Variants in TGFB2 observed in about 807,000 individuals in gnomAD.
TGFB2 encodes transforming growth factor beta 2.
A neutral mutation model predicts 42.7 loss-of-function variants in TGFB2; 13 were observed. That is an observed-to-expected ratio of 0.30 (90% CI 0.20 to 0.48). TGFB2 has a LOEUF of 0.48. TGFB2 is among the 20% of genes least tolerant of loss of function. TGFB2 has a pLI of 0.99. For synonymous variants in TGFB2, 193 were observed against 193.6 expected (o/e 1.00, Z 0.03); for missense variants, 390 against 517.5 (o/e 0.75, Z 2.39).
chr1:218,397,397 A>G (rs1231466488), intron 1 of TGFB2, among the ~76,000 whole-genome samples: 1 of 151,800 alleles, frequency 6.6e-6, no homozygotes, highest in Non-Finnish European at 1.5e-5. Context: ...CCCCGTCTCT[A>G]CTAAAAAATA....
intron 1 of TGFB2, among the ~76,000 whole-genome samples, chr1:218,384,756 T>G (rs1351795701): frequency 6.6e-6 from 1 of 151,962 alleles, no homozygotes; most frequent in African/African-American, 2.4e-5. Flanking sequence ...ACCCCTAGAG[T>G]CTCACCAGAA....
Position 218,443,993 on chromosome 1 carries a change from G to A in TGFB2, c.*2631G>A, listed in dbSNP as rs1202437150. 1 of 152,058 alleles carries A rather than the reference G, an allele frequency of 6.6e-6. No homozygotes were observed. The highest frequency in any genetic ancestry group is 1.5e-5 in the Non-Finnish European group (1 of 68,010). The allele number at this position is 152,058 out of a possible 1,614,324, so 9.4% of individuals were successfully genotyped here. The stretch of plus-strand genomic sequence containing the variant: ...CTAGTGGTAAATAAATTATTTCGAT[G>A]ATATGTGGATGTCTTTTTCCTATCA... On this transcript the variant is annotated 3_prime_UTR_variant, in exon 7 of 7. Transcript: ENST00000366930.
chr1:218,410,124 A>G (rs1280729818), intron 2 of TGFB2, among the ~76,000 whole-genome samples: 2 of 152,196 alleles, frequency 1.3e-5, no homozygotes, highest in African/African-American at 4.8e-5. Flanking sequence ...CACATGTGTG[A>G]TTGTTCAGAT....
chr1:218,408,275 T>C (rs2799083), intron 2 of TGFB2, among the ~76,000 whole-genome samples: 43,008 of 151,924 alleles, frequency 0.28, 6,163 homozygotes, highest in African/African-American at 0.33. Context: ...GGAAAGGGTG[T>C]TTCTCTTGAG....
rs1417916795 is a variant in TGFB2 at position 218,441,219 on chromosome 1, A to G, written c.1102A>G (p.Asn368Asp). The G allele has an allele frequency of 2.5e-6, 4 of 1,612,398 alleles. No homozygotes were observed. Among genetic ancestry groups the G allele is most frequent in the Non-Finnish European group, 2.5e-6 (3 of 1,179,640 alleles). Residue 368 changes from asparagine to aspartate, a missense_variant, in exon 7 of 7, where the codon AAT (asparagine) becomes GAT (aspartate). Coordinates refer to ENST00000366930, the MANE Select transcript of TGFB2 (RefSeq NM_003238.6). Reference sequence around the variant, plus strand: ...GTCCTTTCAGGTCCTGAGCTTATATAATACCATAAATCCAGAAGCATCTGC... The same window carrying G: ...GTCCTTTCAGGTCCTGAGCTTATATGATACCATAAATCCAGAAGCATCTGC... ...TQHSRVLSLY[N>D]TINPEASASP...
chr1:218,409,240 T>C (rs1382477887), intron 2 of TGFB2, among the ~76,000 whole-genome samples: 1 of 152,146 alleles, frequency 6.6e-6, no homozygotes, highest in Non-Finnish European at 1.5e-5. Context: ...ACCGTCCAGG[T>C]TGGGGACTTC....
intron 1 of TGFB2, among the ~76,000 whole-genome samples, chr1:218,372,193 G>A (rs1657595546): frequency 6.6e-6 from 1 of 152,194 alleles, no homozygotes; most frequent in African/African-American, 2.4e-5. Context: ...TTTGCACATG[G>A]CTGGACATCT....
intron 1 of TGFB2, among the ~76,000 whole-genome samples, chr1:218,367,046 A>G (rs1162610198): frequency 6.6e-6 from 1 of 152,222 alleles, no homozygotes; most frequent in Admixed American, 6.5e-5. Context: ...ACAGAGGAGA[A>G]CAATGAGTGT....
chr1:218,384,834 A>G (rs1021954283), intron 1 of TGFB2, among the ~76,000 whole-genome samples: 1 of 152,232 alleles, frequency 6.6e-6, no homozygotes, highest in Non-Finnish European at 1.5e-5. Context: ...GGGATGACTC[A>G]TGGCAGGAGG....
intron 2 of TGFB2, among the ~76,000 whole-genome samples, chr1:218,418,027 T>C (rs1305479507): frequency 6.6e-6 from 1 of 152,062 alleles, no homozygotes. Context: ...AAATATGGAG[T>C]TGGAGCCCCC....
At chr1:218,386,996 C>T (rs1384166769) in intron 1 of TGFB2, among the ~76,000 whole-genome samples, 1 of 152,164 alleles carries the variant, frequency 6.6e-6, no homozygotes, top group African/African-American at 2.4e-5. Context: ...CACTATAATA[C>T]ACAGTATGAT....
At chr1:218,400,465 C>A (rs1422546080) in intron 1 of TGFB2, among the ~76,000 whole-genome samples, 1 of 152,016 alleles carries the variant, frequency 6.6e-6, no homozygotes, top group Non-Finnish European at 1.5e-5. Context: ...GGTCCCCCTG[C>A]CACAAGCCCA....
chr1:218,348,362 G>A (rs922607544), intron 1 of TGFB2, among the ~76,000 whole-genome samples: 4 of 152,168 alleles, frequency 2.6e-5, no homozygotes, highest in Non-Finnish European at 5.9e-5. Flanking sequence ...TCTAGTTGCA[G>A]GGTGGTGCTT....
chr1:218,382,048 C>T (rs1000003571), intron 1 of TGFB2, among the ~76,000 whole-genome samples: 7 of 152,108 alleles, frequency 4.6e-5, no homozygotes, highest in African/African-American at 1.7e-4. Flanking sequence ...TGAAATCTAG[C>T]CCTAGTTCTT....
At chr1:218,411,093 G>T (rs1170572307) in intron 2 of TGFB2, among the ~76,000 whole-genome samples, 1 of 152,092 alleles carries the variant, frequency 6.6e-6, no homozygotes, top group Admixed American at 6.6e-5. Flanking sequence ...AGGACTTGGA[G>T]CTCTCCAGTA....
chr1:218,360,442 G>T (rs1000503333), intron 1 of TGFB2, among the ~76,000 whole-genome samples: 8 of 152,146 alleles, frequency 5.3e-5, no homozygotes, highest in Non-Finnish European at 8.8e-5. Flanking sequence ...GTGAGTGCCT[G>T]CGTTCTTCTA....
chr1:218,379,281 C>T (rs1017554625), intron 1 of TGFB2, among the ~76,000 whole-genome samples: 4 of 151,496 alleles, frequency 2.6e-5, no homozygotes, highest in African/African-American at 4.8e-5. Context: ...TACAGGCGCC[C>T]GCCACCACAC....
chr1:218,364,282 G>C (rs1403979373), intron 1 of TGFB2, among the ~76,000 whole-genome samples: 1 of 152,208 alleles, frequency 6.6e-6, no homozygotes, highest in Admixed American at 6.5e-5. Context: ...CTCGGAGCAG[G>C]TGCAAGCTCC....
chr1:218,423,345 C>T (rs1371164702), intron 2 of TGFB2, among the ~76,000 whole-genome samples: 1 of 152,094 alleles, frequency 6.6e-6, no homozygotes, highest in African/African-American at 2.4e-5. Flanking sequence ...TTCCACACAT[C>T]CAGGATTACC....
Sources: gnomAD v4.1 joint callset for allele counts (sites outside exome capture counted in the v4.1 genomes callset) on GRCh38, gnomAD v4.1.1 for gene constraint, MANE v1.5 for transcripts, NCBI Gene and HGNC (gene_info 2026-07-23, HGNC 2026-07-21) for gene names.